The following THSD7B variants were observed in gnomAD, a reference collection of about 807,000 sequenced individuals.
THSD7B encodes thrombospondin type-1 domain-containing protein 7B.
THSD7B carries 138 observed loss-of-function variants against 213.6 expected under a neutral mutation model. That is an observed-to-expected ratio of 0.65 (90% confidence interval 0.56 to 0.74). The LOEUF is 0.74. Among genes scored for constraint, THSD7B ranks in the 30% least tolerant of loss-of-function variants. The probability of loss-of-function intolerance (pLI) is 0.00; values close to 1 mark genes in which losing one functional copy is unlikely to be tolerated. For missense variants in THSD7B, 1,931 were observed against 1,991.5 expected, an observed-to-expected ratio of 0.97 and a Z score of 0.58; for synonymous variants, 742 against 687.0, an observed-to-expected ratio of 1.08 and a Z score of -1.25.
chr2:137,041,176 C>T (rs927559136), intron 2 of THSD7B, among the ~76,000 whole-genome samples: 1 of 152,088 alleles, frequency 6.6e-6, no homozygotes, highest in African/African-American at 2.4e-5. Flanking sequence ...TTTATGTGGT[C>T]TCTGCGTGGA....
intron 1 of THSD7B, among the ~76,000 whole-genome samples, chr2:136,851,961 A>G (rs1683105221): frequency 6.6e-6 from 1 of 152,006 alleles, no homozygotes. Context: ...TTGTAGTAAC[A>G]GAATAAGGGC....
intron 1 of THSD7B, among the ~76,000 whole-genome samples, chr2:136,843,113 T>A: frequency 6.7e-6 from 1 of 150,338 alleles, no homozygotes. Flanking sequence ...TTTTGCTTCC[T>A]TCCTTTGCTT....
At chr2:136,937,317 C>T (rs894970012) in intron 2 of THSD7B, among the ~76,000 whole-genome samples, 2 of 151,890 alleles carry the variant, frequency 1.3e-5, no homozygotes, top group Non-Finnish European at 2.9e-5. Flanking sequence ...CTCTTACTTG[C>T]TAACTCTGCT....
intron 2 of THSD7B, among the ~76,000 whole-genome samples, chr2:136,896,943 C>T (rs1573696334): frequency 7.2e-6 from 1 of 138,456 alleles, no homozygotes; most frequent in South Asian, 2.3e-4. Flanking sequence ...TACATATATA[C>T]ATATATATAT....
intron 10 of THSD7B, among the ~76,000 whole-genome samples, chr2:137,261,527 G>C (rs2105083058): frequency 1.3e-5 from 2 of 152,174 alleles, no homozygotes; most frequent in Admixed American, 1.3e-4. Context: ...TAGGTTCACA[G>C]ACCTTGGGCT....
At chr2:136,876,197 C>A (rs1395339511) in intron 1 of THSD7B, among the ~76,000 whole-genome samples, 3 of 152,174 alleles carry the variant, frequency 2.0e-5, no homozygotes, top group Non-Finnish European at 4.4e-5. Flanking sequence ...CGCTGCCAAA[C>A]ACAGTCATCA....
rs1683250645 is a variant in THSD7B at position 137,657,071 on chromosome 2, A to G, written c.4286A>G (p.Lys1429Arg). 6.2e-7 allele frequency: 1 copy of G among 1,613,906 alleles called. No homozygotes were observed. The highest frequency in any genetic ancestry group is 1.7e-5 in the Admixed American group (1 of 60,002). The change falls in exon 24 of 28, where the codon AAA (lysine) becomes AGA (arginine). Residue 1429 changes from lysine to arginine, a missense_variant. Transcript: ENST00000409968. ...TTATCATATTTACTTACAGGAGGCA[A>G]ATGTTATCACTACACATGGAAAGCA... is the stretch of plus-strand genomic sequence containing the variant. ...VLETRPCTGGKCYHYTWKASL... is the reference protein window; with the variant it reads ...VLETRPCTGGRCYHYTWKASL...
intron 2 of THSD7B, among the ~76,000 whole-genome samples, chr2:137,032,674 G>A (rs975970187): frequency 1.1e-4 from 17 of 152,132 alleles, no homozygotes; most frequent in Admixed American, 1.0e-3. Context: ...ATAAACCTGA[G>A]GTGCTCCTCT....
intron 2 of THSD7B, among the ~76,000 whole-genome samples, chr2:136,923,869 A>G (rs78199271): frequency 0.018 from 2,798 of 152,282 alleles, 46 homozygotes; most frequent in Middle Eastern, 0.041. Flanking sequence ...TATCAGATAT[A>G]TGATTGGCAC....
At chr2:137,199,999 G>A (rs113755380) in intron 7 of THSD7B, among the ~76,000 whole-genome samples, 2,172 of 152,182 alleles carry the variant, frequency 0.014, 36 homozygotes, top group African/African-American at 0.049. Flanking sequence ...GACTGTTGCA[G>A]AATCTTCACA....
chr2:136,997,808 C>G (rs530467902), intron 2 of THSD7B, among the ~76,000 whole-genome samples: 58 of 152,136 alleles, frequency 3.8e-4, no homozygotes, highest in Non-Finnish European at 7.5e-4. Context: ...ATCTTATGAC[C>G]TTCTGGATGT....
intron 12 of THSD7B, among the ~76,000 whole-genome samples, chr2:137,325,439 TG>T (rs1398975704): frequency 6.6e-6 from 1 of 152,180 alleles, no homozygotes; most frequent in Non-Finnish European, 1.5e-5. Flanking sequence ...TGGGCTTCGC[TG>T]GACCTGCACC....
intron 20 of THSD7B, among the ~76,000 whole-genome samples, chr2:137,632,665 T>C (rs776042634): frequency 3.9e-5 from 6 of 152,188 alleles, no homozygotes; most frequent in Admixed American, 2.0e-4. Context: ...GAGTTATTTA[T>C]ATCCAAGCAA....
intron 4 of THSD7B, among the ~76,000 whole-genome samples, chr2:137,111,275 G>A (rs957096427): frequency 7.2e-5 from 11 of 152,232 alleles, no homozygotes; most frequent in African/African-American, 2.4e-4. Flanking sequence ...CACTTCCTCG[G>A]ACCAAGATCA....
chr2:136,934,384 G>A (rs1226105514), intron 2 of THSD7B, among the ~76,000 whole-genome samples: 1 of 152,042 alleles, frequency 6.6e-6, no homozygotes, highest in Non-Finnish European at 1.5e-5. Context: ...ACAATATAAA[G>A]ACTTTGTTTA....
At chr2:136,900,896 G>A (rs904516573) in intron 2 of THSD7B, among the ~76,000 whole-genome samples, 9 of 152,130 alleles carry the variant, frequency 5.9e-5, no homozygotes, top group African/African-American at 2.2e-4. Context: ...ATGAGTAGGT[G>A]AGTATATGTT....
At chr2:137,315,573 C>T (rs999133212) in intron 12 of THSD7B, among the ~76,000 whole-genome samples, 5 of 152,144 alleles carry the variant, frequency 3.3e-5, no homozygotes, top group African/African-American at 9.6e-5. Flanking sequence ...TTTTCAGTAG[C>T]GTCTCTATCA....
intron 2 of THSD7B, among the ~76,000 whole-genome samples, chr2:136,978,420 G>A (rs926442443): frequency 3.3e-5 from 5 of 152,172 alleles, no homozygotes; most frequent in Non-Finnish European, 7.3e-5. Flanking sequence ...TTTTGTGAGA[G>A]TCTCAGTCTC....
chr2:137,514,897 A>G (rs2105157790), intron 15 of THSD7B, among the ~76,000 whole-genome samples: 1 of 152,344 alleles, frequency 6.6e-6, no homozygotes, highest in South Asian at 2.1e-4. Context: ...GTTGCTCCTA[A>G]GTTCACTGGA....
Sources: gnomAD v4.1 joint callset for allele counts (sites outside exome capture counted in the v4.1 genomes callset) on GRCh38, gnomAD v4.1.1 for gene constraint, MANE v1.5 for transcripts, NCBI Gene and HGNC (gene_info 2026-07-23, HGNC 2026-07-21) for gene names.